Variants in CFAP54 observed in about 807,000 individuals in gnomAD.
The protein encoded by CFAP54 is cilia- and flagella-associated protein 54.
CFAP54 carries 290 observed loss-of-function variants against 370.4 expected under a neutral mutation model. The ratio of observed to expected loss-of-function variants is 0.78; its 90% CI spans 0.71 to 0.86. The LOEUF (loss-of-function observed/expected upper bound fraction) is 0.86. Ranked by LOEUF, CFAP54 falls within the 40% of genes least tolerant of loss-of-function variation. The pLI is 0.00. For missense variants in CFAP54, 3,399 were observed against 3,528.7 expected (o/e 0.96, Z 0.93); for synonymous variants, 1,206 against 1,236.5 (o/e 0.98, Z 0.52).
At chr12:96,601,955 C>T (rs1213475065) in intron 26 of CFAP54, among the ~76,000 whole-genome samples, 3 of 152,128 alleles carry the variant, frequency 2.0e-5, no homozygotes, top group Admixed American at 6.5e-5. Context: ...TCTCTATCTC[C>T]TTCAGTTCTA....
chr12:96,581,156 G>A, intron 22 of CFAP54, 51 bp downstream of exon 22: 4 of 1,254,960 alleles, frequency 3.2e-6, no homozygotes, highest in Non-Finnish European at 4.2e-6. Flanking sequence ...TTTCCATTAA[G>A]CAGTTATGAA....
chr12:96,800,809 T>G (rs1958812124), intron 63 of CFAP54, among the ~76,000 whole-genome samples: 4 of 152,158 alleles, frequency 2.6e-5, no homozygotes, highest in Admixed American at 2.0e-4. Flanking sequence ...CTCTATAAGA[T>G]AAACGCTTTC....
chr12:96,671,075 C>A (rs928882668), intron 39 of CFAP54, among the ~76,000 whole-genome samples: 1 of 152,114 alleles, frequency 6.6e-6, no homozygotes, highest in South Asian at 2.1e-4. Context: ...TGGGTTCAAG[C>A]GATTCTCCTG....
intron 48 of CFAP54, among the ~76,000 whole-genome samples, chr12:96,709,042 G>T (rs4237907): frequency 0.37 from 56,775 of 152,024 alleles, 11,045 homozygotes; most frequent in Middle Eastern, 0.45. Context: ...ACACATACAT[G>T]ATAGGATAGG....
Position 96,518,949 on chromosome 12 carries a change from G to A in CFAP54, c.820G>A (p.Ala274Thr), listed in dbSNP as rs946176293. The A allele has an allele frequency of 1.3e-6, 2 of 1,535,478 alleles. No homozygotes were observed. The highest frequency in any genetic ancestry group is 1.7e-6 in the Non-Finnish European group (2 of 1,146,514). The change falls in exon 6 of 68, where the codon GCC (alanine) becomes ACC (threonine). Residue 274 changes from alanine (A) to threonine (T), a missense_variant. By Grantham distance (58) the Ala-to-Thr change is moderately conservative. Around this residue, in one of 3 missense-constraint regions of CFAP54, gnomAD observed 559 missense variants for 576.7 expected, o/e 0.97. Transcript: ENST00000524981. ...SSKALEYLLW[A>T]SMCMESLVPL... is the part of the protein sequence containing the mutation. Reference sequence around the variant, plus strand: ...GCAGGCCTTAGAGTATCTCCTGTGGGCCAGCATGTGTATGGAGTCCTTGGT... The same window carrying A: ...GCAGGCCTTAGAGTATCTCCTGTGGACCAGCATGTGTATGGAGTCCTTGGT...
At chr12:96,728,953 G>C (rs1957880106) in intron 50 of CFAP54, among the ~76,000 whole-genome samples, 1 of 152,216 alleles carries the variant, frequency 6.6e-6, no homozygotes, top group Admixed American at 6.5e-5. Flanking sequence ...TCCAGACCCT[G>C]TTTGCCTGGG....
At chr12:96,733,982 T>C (rs1451449058) in intron 50 of CFAP54, among the ~76,000 whole-genome samples, 4 of 152,172 alleles carry the variant, frequency 2.6e-5, no homozygotes, top group African/African-American at 9.7e-5. Flanking sequence ...CAGAAATGTG[T>C]GTAGCTTTGA....
intron 60 of CFAP54, among the ~76,000 whole-genome samples, chr12:96,768,711 A>G (rs1378061863): frequency 6.6e-6 from 1 of 152,124 alleles, no homozygotes; most frequent in Non-Finnish European, 1.5e-5. Flanking sequence ...AAAAACAAAC[A>G]AAAAAAGAAG....
intron 36 of CFAP54, among the ~76,000 whole-genome samples, chr12:96,654,311 C>G (rs1221245414): frequency 1.3e-5 from 2 of 152,064 alleles, no homozygotes; most frequent in Non-Finnish European, 2.9e-5. Context: ...ACCATCCTGG[C>G]TAACTCGGTG....
At chr12:96,782,168 A>G (rs1958586357) in intron 60 of CFAP54, among the ~76,000 whole-genome samples, 1 of 152,074 alleles carries the variant, frequency 6.6e-6, no homozygotes, top group African/African-American at 2.4e-5. Context: ...ACTGGGAATT[A>G]AAAAAATATT....
chr12:96,696,431 A>G (rs1957440777), intron 45 of CFAP54, among the ~76,000 whole-genome samples: 1 of 152,122 alleles, frequency 6.6e-6, no homozygotes, highest in Non-Finnish European at 1.5e-5. Context: ...ACTCAACAAG[A>G]GGAGATCTAG....
At chr12:96,506,067 C>T (rs551233917) in intron 3 of CFAP54, among the ~76,000 whole-genome samples, 256 of 152,232 alleles carry the variant, frequency 1.7e-3, no homozygotes, top group Middle Eastern at 6.8e-3. Flanking sequence ...TGGCCGGGCG[C>T]GGTGGCTCAC....
intron 19 of CFAP54, among the ~76,000 whole-genome samples, chr12:96,566,496 TA>T (rs1207857782): frequency 3.9e-5 from 6 of 151,926 alleles, no homozygotes; most frequent in East Asian, 3.9e-4. Flanking sequence ...AGATTTTTTT[TA>T]AAAAAAATGA....
At chr12:96,671,866 G>A (rs1261867529) in intron 39 of CFAP54, among the ~76,000 whole-genome samples, 1 of 152,078 alleles carries the variant, frequency 6.6e-6, no homozygotes, top group Non-Finnish European at 1.5e-5. Context: ...AGGTTGCAGT[G>A]AGCCAAGATC....
chr12:96,780,904 T>G (rs1465319767), intron 60 of CFAP54, among the ~76,000 whole-genome samples: 1 of 152,166 alleles, frequency 6.6e-6, no homozygotes, highest in East Asian at 1.9e-4. Context: ...AAATTATGTA[T>G]TTCACTAAAT....
intron 63 of CFAP54, among the ~76,000 whole-genome samples, chr12:96,799,237 G>A (rs1049822252): frequency 6.6e-6 from 1 of 152,054 alleles, no homozygotes; most frequent in African/African-American, 2.4e-5. Flanking sequence ...CGCAGCAGTT[G>A]GTCAATATAG....
chr12:96,529,899 A>T (rs1216129278), intron 9 of CFAP54, among the ~76,000 whole-genome samples: 1 of 152,150 alleles, frequency 6.6e-6, no homozygotes, highest in African/African-American at 2.4e-5. Context: ...AAGAAGTTTC[A>T]GCTACCCCAA....
intron 22 of CFAP54, among the ~76,000 whole-genome samples, chr12:96,585,499 T>C (rs1364029786): frequency 6.6e-6 from 1 of 152,184 alleles, no homozygotes; most frequent in Admixed American, 6.5e-5. Context: ...AATATTGTAA[T>C]CTACCTTCCA....
chr12:96,701,015 G>A (rs941107758), intron 46 of CFAP54, among the ~76,000 whole-genome samples: 1 of 152,108 alleles, frequency 6.6e-6, no homozygotes, highest in African/African-American at 2.4e-5. Flanking sequence ...CCCCTAAAAT[G>A]TACCTGCTTA....
Sources: gnomAD v4.1 joint callset for allele counts (sites outside exome capture counted in the v4.1 genomes callset) on GRCh38, gnomAD v4.1.1 for gene constraint, gnomAD v4.1.1 regional missense constraint, MANE v1.5 for transcripts, NCBI Gene and HGNC (gene_info 2026-07-23, HGNC 2026-07-21) for gene names.